SLC26A5: variants seen among roughly 807,000 people sequenced by gnomAD.
SLC26A5 encodes solute carrier family 26 member 5, also known as prestin.
A neutral mutation model predicts 81.0 loss-of-function variants in SLC26A5; 51 were observed. The observed-to-expected ratio is 0.63, with a 90% CI of 0.50 to 0.80. SLC26A5 has a LOEUF of 0.80. SLC26A5 is among the 30% of genes least tolerant of loss of function. The probability of loss-of-function intolerance (pLI) is 0.00; values close to 1 mark genes in which losing one functional copy is unlikely to be tolerated. For missense variants in SLC26A5, 771 were observed against 905.8 expected (o/e 0.85, Z 1.91); for synonymous variants, 325 against 332.8 (o/e 0.98, Z 0.25).
intron 14 of SLC26A5, among the ~76,000 whole-genome samples, chr7:103,382,010 C>T (rs1051569523): frequency 3.3e-5 from 5 of 152,108 alleles, no homozygotes; most frequent in Admixed American, 1.3e-4. Flanking sequence ...CCTCCCCTCC[C>T]CCCAACACCA....
chr7:103,411,458 C>G lies in SLC26A5; in HGVS notation c.532G>C (p.Val178Leu). Residue 178 changes from valine to leucine, a missense_variant, in exon 6 of 20, where the codon GTC becomes CTC. Transcript: ENST00000306312. The stretch of plus-strand genomic sequence containing the variant: ...GAAAGTAAGGTCACAGACATGGCGA[C>G]TTTCACTCTCAAGGCATCTCTGGCC... ...TEARDALRVK[V>L]AMSVTLLSGI... is the part of the protein sequence containing the mutation. The G allele has an allele frequency of 1.2e-6, 2 of 1,614,222 alleles. No individual in the cohort carries two copies. The highest frequency in any genetic ancestry group is 1.7e-6 in the Non-Finnish European group (2 of 1,180,032).
intron 8 of SLC26A5, among the ~76,000 whole-genome samples, chr7:103,406,721 T>A (rs1425235379): frequency 1.3e-5 from 2 of 152,150 alleles, no homozygotes; most frequent in South Asian, 2.1e-4. Context: ...AGAGGTGTGA[T>A]CTTGGCTCAC....
downstream of SLC26A5, among the ~76,000 whole-genome samples, chr7:103,373,235 T>A (rs879393080): frequency 1.3e-5 from 2 of 152,176 alleles, no homozygotes; most frequent in African/African-American, 2.4e-5. Flanking sequence ...AAAATCTAAC[T>A]GGATGATCAG....
At position 103,403,587 on chromosome 7, in the gene SLC26A5, C is replaced by T. The variant is rs181711922; in HGVS notation, c.888+4264G>A. 1.2e-4 allele frequency among the ~76,000 whole-genome samples: 19 copies of T among 152,114 alleles called. No homozygotes were observed. The East Asian group carries it at 3.3e-3, about 26-fold the overall frequency. On this transcript the variant is annotated intron_variant, in intron 8 of 19. Transcript: ENST00000306312. ...GGTGCATATATATTTAGGGTAGTTA[C>T]CTCTTCTTGCTGCATTGATCTCTTT...
intron 19 of SLC26A5, among the ~76,000 whole-genome samples, chr7:103,366,729 T>C (rs1050165883): frequency 5.9e-5 from 9 of 152,248 alleles, no homozygotes; most frequent in Non-Finnish European, 1.2e-4. Context: ...GATGGTGGTT[T>C]TTCTTAGTGC....
chr7:103,375,097 T>C lies in SLC26A5; in HGVS notation c.2042-505A>G, dbSNP rs1206082661. Among the ~76,000 whole-genome samples, 3 of 145,180 alleles carry C rather than the reference T, an allele frequency of 2.1e-5. 1 individual carries two copies. In the East Asian group the frequency reaches 6.0e-4, roughly 29 times the overall value. On this transcript the variant is annotated intron_variant, in intron 19 of 19. Transcript: ENST00000306312. ...AAATATATATATACACACACATATA[T>C]ATACATATATATATAAAATGCTGTT...
intron 2 of SLC26A5, among the ~76,000 whole-genome samples, chr7:103,422,573 T>C (rs1359407917): frequency 6.6e-6 from 1 of 152,104 alleles, no homozygotes; most frequent in Non-Finnish European, 1.5e-5. Flanking sequence ...TGGTGTTACC[T>C]CTAGAGAGAG....
At chr7:103,378,988 A>T (rs540557363) in intron 16 of SLC26A5, among the ~76,000 whole-genome samples, 2 of 152,210 alleles carry the variant, frequency 1.3e-5, no homozygotes, top group Non-Finnish European at 2.9e-5. Flanking sequence ...GAAAAGTAAT[A>T]TTATATATAC....
In SLC26A5 at chr7:103,421,507, T is replaced by C; in HGVS notation, c.8A>G (p.His3Arg). 6.2e-7 allele frequency: 1 copy of C among 1,614,052 alleles called. No individual in the cohort carries two copies. The highest frequency in any genetic ancestry group is 8.5e-7 in the Non-Finnish European group (1 of 1,179,926). Residue 3 changes from histidine to arginine, a missense_variant, in exon 3 of 20, where the codon CAT (histidine) becomes CGT (arginine). Transcript: ENST00000306312. ...TGCAAGGATTTCATTTTCTTCAGCA[T>C]GATCCATAGTACTCTGAAATTATTC... MD[H>R]AEENEILAAT...
chr7:103,374,696 T>G (rs1011409946), intron 19 of SLC26A5, 104 bp from the exon 20 acceptor site: 8 of 1,154,802 alleles, frequency 6.9e-6, no homozygotes, highest in Admixed American at 2.5e-5. Context: ...TTGTTATTGT[T>G]TTTTGTTTCT....
In SLC26A5 at chr7:103,421,436, C is replaced by T; in HGVS notation, c.79G>A (p.Val27Ile). ...TTTGTGTGTAGTCTTTCCTGGAGGA[C>T]CGGATGACTAAAGATAGGCCTTTCC... is the stretch of plus-strand genomic sequence containing the variant. ...YVERPIFSHP[V>I]LQERLHTKDK... The change falls in exon 3 of 20, where the codon GTC (valine) becomes ATC (isoleucine). Residue 27 changes from valine to isoleucine, a missense_variant. By Grantham distance (29) the Val-to-Ile change is conservative. Transcript: ENST00000306312. 6.2e-7 allele frequency: 1 copy of T among 1,613,954 alleles called. No homozygotes were observed. The highest frequency in any genetic ancestry group is 8.5e-7 in the Non-Finnish European group (1 of 1,179,860).
rs1338061515 is a variant in SLC26A5, at chr7:103,385,935, C to CT, written c.1514+3072dup. On this transcript the variant is annotated intron_variant, in intron 14 of 19. Transcript: ENST00000306312. ...CAAACGGGAGCTTTTTTCTTTCTTT[C>CT]TTTTTTTTTTGAGATAGGCTCTCAC... 2.8e-3 allele frequency among the ~76,000 whole-genome samples: 383 copies of CT among 139,154 alleles called. 3 individuals are homozygous for CT. Among genetic ancestry groups the CT allele is most frequent in the African/African-American group, 8.6e-3 (325 of 37,970 alleles). 91.3% of individuals were successfully genotyped at this position (139,154 alleles called of 152,430 possible).
intron 16 of SLC26A5, among the ~76,000 whole-genome samples, 197 bp from the exon 17 acceptor site, chr7:103,378,750 T>G (rs552382968): frequency 6.6e-6 from 1 of 152,308 alleles, no homozygotes; most frequent in South Asian, 2.1e-4. Context: ...TCAGTCTTTA[T>G]TCAAGACAAC....
Position 103,374,409 on chromosome 7 carries a change from G to A in SLC26A5, c.2225C>T (p.Pro742Leu), listed in dbSNP as rs756665732. The A allele has an allele frequency of 1.3e-5, 21 of 1,612,012 alleles. 1 individual carries two copies. The East Asian group carries it at 4.7e-4, about 36-fold the overall frequency. Residue 742 changes from proline to leucine, a missense_variant, in exon 20 of 20, where the codon CCT (proline) becomes CTT (leucine). Pro to Leu is a moderately conservative substitution (Grantham distance 98). Coordinates refer to ENST00000306312, the MANE Select transcript of SLC26A5 (RefSeq NM_198999.3). ...DLEPNATPATPEA is the reference protein window; with the variant it reads ...DLEPNATPATLEA ...GGGTGAGGTCCTCATCTATGCCTCA[G>A]GAGTGGCAGGAGTGGCATTGGGCTC...
At position 103,407,998 on chromosome 7, in the gene SLC26A5, T is replaced by G. The variant is rs754694152; in HGVS notation, c.741A>C (p.Thr247=). The part of the protein sequence containing the change: ...YSGIFSVVYS[T]VAVLQNVKNL... ...TTTTAACATTCTGCAACACAGCAAC[T>G]GTACTCTGTAACACAGTGAATGCTG... Residue 247 remains threonine (T), a synonymous_variant, in exon 8 of 20, where the codon ACA becomes ACC. Transcript: ENST00000306312. The G allele has an allele frequency of 3.3e-5, 53 of 1,613,984 alleles. No individual in the cohort carries two copies. Among genetic ancestry groups the G allele is most frequent in the Non-Finnish European group, 4.5e-5 (53 of 1,180,004 alleles).
At chr7:103,442,297 C>G (rs1212754691) in intron 2 of SLC26A5, among the ~76,000 whole-genome samples, 1 of 152,118 alleles carries the variant, frequency 6.6e-6, no homozygotes, top group South Asian at 2.1e-4. Flanking sequence ...GCCACCACGC[C>G]TGGCTAATTT....
chr7:103,388,123 C>T (rs1253541201), intron 14 of SLC26A5, among the ~76,000 whole-genome samples: 2 of 151,226 alleles, frequency 1.3e-5, no homozygotes, highest in African/African-American at 2.4e-5. Flanking sequence ...TCAAGTGATC[C>T]TCCCACCTCA....
intron 8 of SLC26A5, among the ~76,000 whole-genome samples, chr7:103,403,013 T>A (rs2116583917): frequency 6.6e-6 from 1 of 152,342 alleles, no homozygotes; most frequent in Non-Finnish European, 1.5e-5. Context: ...GGGCATTTAG[T>A]GCTATAAATT....
intron 8 of SLC26A5, among the ~76,000 whole-genome samples, chr7:103,398,608 A>G (rs1389273576): frequency 6.6e-6 from 1 of 152,208 alleles, no homozygotes; most frequent in Non-Finnish European, 1.5e-5. Flanking sequence ...TTGGCAGGGC[A>G]TAGATTTACT....
Sources: gnomAD v4.1 joint callset for allele counts (sites outside exome capture counted in the v4.1 genomes callset) on GRCh38, gnomAD v4.1.1 for gene constraint, MANE v1.5 for transcripts, NCBI Gene and HGNC (gene_info 2026-07-23, HGNC 2026-07-21) for gene names.